The following OR2B11 variants were observed in gnomAD, a reference collection of about 807,000 sequenced individuals.
The protein encoded by OR2B11 is olfactory receptor 2B11.
For synonymous variants in OR2B11, 198 were observed against 174.5 expected (o/e 1.13, Z -1.06); for missense variants, 422 against 400.0 (o/e 1.05, Z -0.47).
chr1:247,451,640 C>T lies in OR2B11; in HGVS notation c.343G>A (p.Glu115Lys). Residue 115 changes from glutamate to lysine, a missense_variant, in exon 2 of 2, where the codon GAG becomes AAG. Physicochemically the swap from Glu to Lys is moderately conservative, Grantham distance 56. Transcript: ENST00000641149. ...GCCATGGCGGCCAGGACGATGCACTCCGTGCATCCCAGCCAGTGGAAGACT... is the reference window on the plus strand; with the variant it reads ...GCCATGGCGGCCAGGACGATGCACTTCGTGCATCCCAGCCAGTGGAAGACT... ...YAVFHWLGCT[E>K]CIVLAAMALD... The T allele has an allele frequency of 6.2e-7, 1 of 1,613,916 alleles. No homozygotes were observed. The highest frequency in any genetic ancestry group is 1.3e-5 in the African/African-American group (1 of 75,052).
Position 247,451,095 on chromosome 1 carries a change from C to T in OR2B11, c.888G>A (p.Leu296=), listed in dbSNP as rs1387801767. Residue 296 remains leucine (L), a synonymous_variant, in exon 2 of 2, where the codon CTG becomes CTA. Transcript: ENST00000641149. ...TPTLNPFTYT[L]RNKDMKGALR... Reference sequence around the variant, plus strand: ...GAGCCCCCTTCATATCTTTATTTCTCAGGGTGTAGGTGAAGGGATTGAGAG... The same window carrying T: ...GAGCCCCCTTCATATCTTTATTTCTTAGGGTGTAGGTGAAGGGATTGAGAG... 1 of 1,510,964 alleles carries T rather than the reference C, an allele frequency of 6.6e-7. No individual in the cohort carries two copies. Among genetic ancestry groups the T allele is most frequent in the Non-Finnish European group, 8.8e-7 (1 of 1,130,010 alleles). The allele number at this position is 1,510,964 out of a possible 1,614,324, so 93.6% of individuals were successfully genotyped here.
In OR2B11 at chr1:247,452,093, G is replaced by C. The variant is rs193112456; in HGVS notation, c.-111C>G. The stretch of plus-strand genomic sequence containing the variant: ...TCTTGCATCCACTCTTCCTTTCCCA[G>C]GTGATAGCCTGTTTGATTCTCCTTA... On this transcript the variant is annotated 5_prime_UTR_variant, in exon 2 of 2. Transcript: ENST00000641149. 1.4e-6 allele frequency: 1 copy of C among 693,538 alleles called. No individual in the cohort carries two copies. Among genetic ancestry groups the C allele is most frequent in the East Asian group, 2.7e-5 (1 of 36,960 alleles). The allele number at this position is 693,538 out of a possible 1,614,324, so 43.0% of individuals were successfully genotyped here.
rs1664856781 is a variant in OR2B11, at chr1:247,451,867, T to C, written c.116A>G (p.Tyr39Cys). ...LPLFVVLLLS[Y>C]VLAMLGNVAI... ...GACGTTCCCCAACATGGCCAGCACA[T>C]AGGACAGCAGGAGGACCACAAAGAG... The change falls in exon 2 of 2, where the codon TAT (tyrosine) becomes TGT (cysteine). Residue 39 changes from tyrosine (Y) to cysteine (C), a missense_variant. Transcript: ENST00000641149. 1.2e-6 allele frequency: 2 copies of C among 1,613,826 alleles called. No homozygotes were observed. Among genetic ancestry groups the C allele is most frequent in the Non-Finnish European group, 8.5e-7 (1 of 1,179,994 alleles).
chr1:247,456,622 T>TA (rs1294461092), intron 1 of OR2B11, among the ~76,000 whole-genome samples: 2 of 149,344 alleles, frequency 1.3e-5, no homozygotes, highest in Non-Finnish European at 3.0e-5. Flanking sequence ...TTTTTTTTTT[T>TA]AATTATAGTT....
chr1:247,451,194 A>G lies in OR2B11; in HGVS notation c.789T>C (p.Tyr263=), dbSNP rs1329156186. The G allele has an allele frequency of 6.3e-7, 1 of 1,574,950 alleles. No individual in the cohort carries two copies. Among genetic ancestry groups the G allele is most frequent in the Middle Eastern group, 1.7e-4 (1 of 5,830 alleles). Reference sequence around the variant, plus strand: ...GGGAGTAGCTGGAAGGGGGCTGCAGATACATGTAAATCGCAGGTAGGTAGA... The same window carrying G: ...GGGAGTAGCTGGAAGGGGGCTGCAGGTACATGTAAATCGCAGGTAGGTAGA... ...SLFYLPAIYM[Y]LQPPSSYSQE... The change falls in exon 2 of 2, where the codon TAT becomes TAC. Residue 263 remains tyrosine, a synonymous_variant. Coordinates refer to ENST00000641149, the MANE Select transcript of OR2B11 (RefSeq NM_001004492.2).
Position 247,454,622 on chromosome 1 carries a change from G to A in OR2B11, c.-2640C>T, listed in dbSNP as rs1244554418. 2.6e-5 allele frequency: 4 copies of A among 152,216 alleles called. No homozygotes were observed. Among genetic ancestry groups the A allele is most frequent in the Admixed American group, 1.3e-4 (2 of 15,278 alleles). 9.4% of individuals were successfully genotyped at this position (152,216 alleles called of 1,614,324 possible). On this transcript the variant is annotated 5_prime_UTR_variant, in exon 2 of 2. Transcript: ENST00000641149. ...TTCCCTTCAGTCACCGTGATGCCAA[G>A]TACTGAGGTTCTTTCTATTCATGTT...
At position 247,454,850 on chromosome 1, in the gene OR2B11, A is replaced by T. The variant is rs1411020126; in HGVS notation, c.-2868T>A. ...TGCAGGCAGTTTCAACCCCTCACTC[A>T]CCCTCACACGAAGTCATCTTTCTGA... is the stretch of plus-strand genomic sequence containing the variant. On this transcript the variant is annotated 5_prime_UTR_variant, in exon 2 of 2. Coordinates refer to ENST00000641149, the MANE Select transcript of OR2B11 (RefSeq NM_001004492.2). 2 of 151,810 alleles carry T rather than the reference A, an allele frequency of 1.3e-5. No homozygotes were observed. The highest frequency in any genetic ancestry group is 4.8e-5 in the African/African-American group (2 of 41,266). 9.4% of individuals were successfully genotyped at this position (151,810 alleles called of 1,614,324 possible). A position where few individuals can be genotyped will look rare whatever the true frequency, so the allele number is the denominator to read the frequency against.
chr1:247,456,524 A>C (rs1414755996), intron 1 of OR2B11, among the ~76,000 whole-genome samples: 1 of 152,196 alleles, frequency 6.6e-6, no homozygotes, highest in Non-Finnish European at 1.5e-5. Flanking sequence ...CCTAATGGAA[A>C]AATTGTAAAT....
At position 247,449,553 on chromosome 1, in the gene OR2B11, A is replaced by T. The variant is rs1351715313; in HGVS notation, c.*1476T>A. On this transcript the variant is annotated 3_prime_UTR_variant, in exon 2 of 2. Transcript: ENST00000641149. ...TGTACAATTAGCCATCAAAGTAGCC[A>T]CACTTTGCTACTCAAAGTGTAGTCT... 6.6e-6 allele frequency: 1 copy of T among 152,244 alleles called. No homozygotes were observed. The highest frequency in any genetic ancestry group is 1.5e-5 in the Non-Finnish European group (1 of 68,042). 9.4% of individuals were successfully genotyped at this position (152,244 alleles called of 1,614,324 possible). A position where few individuals can be genotyped will look rare whatever the true frequency, so the allele number is the denominator to read the frequency against.
rs1456876882 is a variant in OR2B11 at position 247,451,356 on chromosome 1, G to A, written c.627C>T (p.Phe209=). The change falls in exon 2 of 2, where the codon TTC becomes TTT. Residue 209 remains phenylalanine, a synonymous_variant. Transcript: ENST00000641149. ...NDTILAVLVA[F]FVLVPLALIL... is the part of the protein sequence containing the mutation. ...TGAGAGCCAGGGGCACCAACACGAA[G>A]AAGGCCACCAGCACAGCCAGTATGG... 3 of 1,614,170 alleles carry A rather than the reference G, an allele frequency of 1.9e-6. No homozygotes were observed.
Position 247,451,413 on chromosome 1 carries a change from C to G in OR2B11, c.570G>C (p.Lys190Asn), listed in dbSNP as rs372166908. Residue 190 changes from lysine to asparagine, a missense_variant, in exon 2 of 2, where the codon AAG becomes AAC. Transcript: ENST00000641149. ...NFFCEVPAVI[K>N]LSCADTAVND... ...TCACAGCGGTGTCAGCACACGACAGCTTGATCACGGCCGGCACCTCACAGA... is the reference window on the plus strand; with the variant it reads ...TCACAGCGGTGTCAGCACACGACAGGTTGATCACGGCCGGCACCTCACAGA... 1.2e-6 allele frequency: 2 copies of G among 1,614,038 alleles called. No homozygotes were observed. Among genetic ancestry groups the G allele is most frequent in the African/African-American group, 2.7e-5 (2 of 74,910 alleles).
intron 1 of OR2B11, among the ~76,000 whole-genome samples, 171 bp from the exon 2 acceptor site, chr1:247,455,235 C>T (rs1208396969): frequency 6.6e-6 from 1 of 152,142 alleles, no homozygotes; most frequent in Non-Finnish European, 1.5e-5. Context: ...GTGTGGAATT[C>T]CTAGAAAGTA....
chr1:247,451,300 G>C lies in OR2B11; in HGVS notation c.683C>G (p.Ala228Gly), dbSNP rs757995115. 1 of 1,614,122 alleles carries C rather than the reference G, an allele frequency of 6.2e-7. No individual in the cohort carries two copies. Among genetic ancestry groups the C allele is most frequent in the Non-Finnish European group, 8.5e-7 (1 of 1,180,032 alleles). The change falls in exon 2 of 2, where the codon GCA becomes GGA. Residue 228 changes from alanine (A) to glycine (G), a missense_variant. Transcript: ENST00000641149. ...ILLSYGFIAR[A>G]VLRIQSSKGR... ...CTTGGAGGACTGGATCCTGAGCACT[G>C]CCCGGGCAATAAAGCCATAGGAGAG...
chr1:247,451,852 A>G lies in OR2B11; in HGVS notation c.131T>C (p.Leu44Ser). 6.2e-7 allele frequency: 1 copy of G among 1,614,120 alleles called. No homozygotes were observed. Among genetic ancestry groups the G allele is most frequent in the Non-Finnish European group, 8.5e-7 (1 of 1,180,028 alleles). ...VLLLSYVLAM[L>S]GNVAIILASR... Reference sequence around the variant, plus strand: ...TGCCAGGATGATGGCGACGTTCCCCAACATGGCCAGCACATAGGACAGCAG... The same window carrying G: ...TGCCAGGATGATGGCGACGTTCCCCGACATGGCCAGCACATAGGACAGCAG... Residue 44 changes from leucine to serine, a missense_variant, in exon 2 of 2, where the codon TTG (leucine) becomes TCG (serine). Coordinates refer to ENST00000641149, the MANE Select transcript of OR2B11 (RefSeq NM_001004492.2).
At chr1:247,456,610 C>T (rs371167928) in intron 1 of OR2B11, among the ~76,000 whole-genome samples, 4 of 143,542 alleles carry the variant, frequency 2.8e-5, no homozygotes, top group South Asian at 2.2e-4. Context: ...ACTTTTTTTT[C>T]TTTTTTTTTT....
At chr1:247,455,823 C>G (rs1392789326) in intron 1 of OR2B11, among the ~76,000 whole-genome samples, 2 of 152,148 alleles carry the variant, frequency 1.3e-5, no homozygotes, top group Admixed American at 1.3e-4. Flanking sequence ...CCTTCATGTC[C>G]CACCTCTGGT....
chr1:247,456,539 T>C (rs1305964871), intron 1 of OR2B11, among the ~76,000 whole-genome samples: 1 of 152,192 alleles, frequency 6.6e-6, no homozygotes, highest in East Asian at 1.9e-4. Context: ...GTAAATTTGC[T>C]GTATCATTTG....
rs1664892347 is a variant in OR2B11 at position 247,453,516 on chromosome 1, G to T, written c.-1534C>A. On this transcript the variant is annotated 5_prime_UTR_variant, in exon 2 of 2. Transcript: ENST00000641149. ...TATCTCTAACGAGCTCAAGATGCCT[G>T]TCAAAACAGTGAGCTGTGGCCGAGC... 6.6e-6 allele frequency: 1 copy of T among 152,210 alleles called. No homozygotes were observed. The highest frequency in any genetic ancestry group is 6.5e-5 in the Admixed American group (1 of 15,286). The allele number at this position is 152,210 out of a possible 1,614,324, so 9.4% of individuals were successfully genotyped here.
intron 1 of OR2B11, among the ~76,000 whole-genome samples, chr1:247,456,140 G>A (rs1368036354): frequency 6.6e-6 from 1 of 152,144 alleles, no homozygotes; most frequent in Non-Finnish European, 1.5e-5. Flanking sequence ...GGTTCAGAAA[G>A]ATTAAGAAGT....
Sources: gnomAD v4.1 joint callset for allele counts (sites outside exome capture counted in the v4.1 genomes callset) on GRCh38, gnomAD v4.1.1 for gene constraint, MANE v1.5 for transcripts, NCBI Gene and HGNC (gene_info 2026-07-23, HGNC 2026-07-21) for gene names.